The following C12orf42 variants were observed in gnomAD, a reference collection of about 807,000 sequenced individuals.
C12orf42 encodes the protein chromosome 12 open reading frame 42.
C12orf42 carries 25 observed loss-of-function variants against 21.6 expected under a neutral mutation model. The ratio of observed to expected loss-of-function variants is 1.16; its 90% CI spans 0.84 to 1.62. The LOEUF is 1.62. Among genes scored for constraint, C12orf42 ranks in the 40% most tolerant of loss-of-function variants. C12orf42 has a pLI of 0.00. For synonymous variants in C12orf42, 174 were observed against 175.0 expected (o/e 0.99, Z 0.05); for missense variants, 483 against 459.3 (o/e 1.05, Z -0.47).
intron 4 of C12orf42, among the ~76,000 whole-genome samples, chr12:103,278,630 T>TG (rs2136296310): frequency 6.6e-6 from 1 of 152,352 alleles, no homozygotes; most frequent in South Asian, 2.1e-4. Flanking sequence ...CCTTGGTATG[T>TG]GCTGACGTGA....
chr12:103,365,617 A>G (rs1335498909), intron 4 of C12orf42, among the ~76,000 whole-genome samples: 1 of 152,066 alleles, frequency 6.6e-6, no homozygotes, highest in African/African-American at 2.4e-5. Flanking sequence ...TGATAAACGA[A>G]TTCAACAAAG....
intron 2 of C12orf42, among the ~76,000 whole-genome samples, chr12:103,460,840 A>G (rs1287225380): frequency 6.6e-6 from 1 of 152,166 alleles, no homozygotes; most frequent in African/African-American, 2.4e-5. Context: ...AAATTTGGAT[A>G]CTGTGTAAGG....
At chr12:103,272,487 G>A (rs1395811233) in intron 5 of C12orf42, among the ~76,000 whole-genome samples, 3 of 152,140 alleles carry the variant, frequency 2.0e-5, no homozygotes, top group Non-Finnish European at 2.9e-5. Flanking sequence ...CATGGCTTGA[G>A]TACATAACCA....
chr12:103,277,611 T>C (rs1468635318), intron 4 of C12orf42, among the ~76,000 whole-genome samples: 1 of 150,628 alleles, frequency 6.6e-6, no homozygotes, highest in African/African-American at 2.5e-5. Context: ...ACAATTTTCT[T>C]TTTCTTTTTC....
At chr12:103,513,450 C>A in the C12orf42 span, among the ~76,000 whole-genome samples, 2 of 152,290 alleles carry the variant, frequency 1.3e-5, no homozygotes, top group African/African-American at 2.4e-5. Flanking sequence ...GTTATGTGAA[C>A]AAATACTCCC....
chr12:103,424,496 TTAGA>T (rs2139189496), intron 2 of C12orf42, among the ~76,000 whole-genome samples: 1 of 152,254 alleles, frequency 6.6e-6, no homozygotes, highest in South Asian at 2.1e-4. Context: ...CTGGGACTGG[TTAGA>T]CAGTGGGTGC....
chr12:103,238,012 G>C (rs974224738), intron 10 of C12orf42: 30 of 152,194 alleles, frequency 2.0e-4, no homozygotes, highest in African/African-American at 7.2e-4. Context: ...TTAATATACT[G>C]CAGGAGGCAT....
the C12orf42 span, among the ~76,000 whole-genome samples, chr12:103,230,112 A>G: frequency 6.6e-6 from 1 of 152,218 alleles, no homozygotes; most frequent in African/African-American, 2.4e-5. Flanking sequence ...TATTAAACAT[A>G]TTGGCTGAAA....
the C12orf42 span, among the ~76,000 whole-genome samples, chr12:103,067,903 C>G: frequency 6.6e-6 from 1 of 152,162 alleles, no homozygotes; most frequent in Non-Finnish European, 1.5e-5. Flanking sequence ...GAAAAGAATG[C>G]ATGGAATACA....
intron 10 of C12orf42, among the ~76,000 whole-genome samples, chr12:103,240,765 G>A (rs1354490845): frequency 1.3e-5 from 2 of 152,140 alleles, no homozygotes; most frequent in Admixed American, 6.6e-5. Context: ...AATGCAAGGA[G>A]CACTTTACAT....
chr12:103,529,718 C>T, the C12orf42 span, among the ~76,000 whole-genome samples: 1 of 152,204 alleles, frequency 6.6e-6, no homozygotes, highest in Non-Finnish European at 1.5e-5. Context: ...TTCCACTGAT[C>T]ATTTCAACCT....
the C12orf42 span, among the ~76,000 whole-genome samples, chr12:103,161,254 C>T: frequency 6.6e-6 from 1 of 152,068 alleles, no homozygotes; most frequent in East Asian, 1.9e-4. Context: ...TTATAACTTC[C>T]AAATAGTTAA....
intron 4 of C12orf42, among the ~76,000 whole-genome samples, chr12:103,328,777 C>T (rs776246161): frequency 1.3e-5 from 2 of 152,152 alleles, no homozygotes; most frequent in Non-Finnish European, 2.9e-5. Context: ...TGAAAGAAAG[C>T]TGAGGAAGGG....
intron 1 of C12orf42, among the ~76,000 whole-genome samples, chr12:103,492,324 C>T (rs1955237809): frequency 6.6e-6 from 1 of 152,204 alleles, no homozygotes; most frequent in Non-Finnish European, 1.5e-5. Context: ...CAATTTGCAT[C>T]TTACTGTTTC....
the C12orf42 span, among the ~76,000 whole-genome samples, chr12:103,520,554 C>G: frequency 6.6e-6 from 1 of 151,546 alleles, no homozygotes; most frequent in Admixed American, 6.6e-5. Flanking sequence ...ACAACAACAA[C>G]AAATCTTTTT....
chr12:103,218,009 C>T, the C12orf42 span, among the ~76,000 whole-genome samples: 4 of 152,096 alleles, frequency 2.6e-5, no homozygotes, highest in Non-Finnish European at 5.9e-5. Context: ...CGGCCAGGCA[C>T]GGTGGCTCAC....
intron 2 of C12orf42, chr12:103,456,055 C>T (rs910218957): frequency 6.6e-6 from 1 of 152,080 alleles, no homozygotes; most frequent in Non-Finnish European, 1.5e-5. Context: ...GCTGATCCCC[C>T]AAGTCTCAGG....
At chr12:103,068,334 C>A in the C12orf42 span, among the ~76,000 whole-genome samples, 1 of 151,990 alleles carries the variant, frequency 6.6e-6, no homozygotes, top group South Asian at 2.1e-4. Context: ...TATGTAATAG[C>A]ATTTGGGTTT....
chr12:103,499,386 G>A (rs1021241527), upstream of C12orf42, among the ~76,000 whole-genome samples: 8 of 152,156 alleles, frequency 5.3e-5, no homozygotes, highest in African/African-American at 1.9e-4. Context: ...GTTTTTATTT[G>A]TCAATTATAC....
Sources: allele counts gnomAD v4.1 joint callset (sites outside exome capture counted in the v4.1 genomes callset), GRCh38; gene constraint gnomAD v4.1.1; transcripts MANE v1.5; gene names NCBI Gene and HGNC (gene_info 2026-07-23, HGNC 2026-07-21).